The following PDGFD variants were observed in gnomAD, a reference collection of about 807,000 sequenced individuals.
PDGFD encodes the protein platelet-derived growth factor D.
In PDGFD, 30 loss-of-function variants were observed where a neutral mutation model predicts 44.7. That is an observed-to-expected ratio of 0.67 (90% CI 0.50 to 0.91). PDGFD has a LOEUF of 0.91. PDGFD is among the 40% of genes least tolerant of loss of function. The pLI is 0.00. For synonymous variants in PDGFD, 173 were observed against 168.4 expected (o/e 1.03, Z -0.21); for missense variants, 445 against 457.8 (o/e 0.97, Z 0.25).
intron 1 of PDGFD, among the ~76,000 whole-genome samples, chr11:104,147,909 G>A (rs1490997257): frequency 2.6e-5 from 4 of 152,060 alleles, no homozygotes; most frequent in Non-Finnish European, 4.4e-5. Context: ...TTTAAAAAAT[G>A]GTGAAGTGAT....
chr11:103,997,178 C>G (rs962066922), intron 2 of PDGFD, among the ~76,000 whole-genome samples: 1 of 152,126 alleles, frequency 6.6e-6, no homozygotes, highest in South Asian at 2.1e-4. Context: ...ATCAGTATCT[C>G]GCTCCTACAA....
chr11:104,019,168 A>G (rs574158469), intron 1 of PDGFD, among the ~76,000 whole-genome samples: 18 of 152,346 alleles, frequency 1.2e-4, no homozygotes, highest in South Asian at 4.1e-4. Context: ...TGGTTCTTCT[A>G]GCAAACAATG....
intron 1 of PDGFD, among the ~76,000 whole-genome samples, chr11:104,025,242 C>G (rs557152719): frequency 2.0e-5 from 3 of 152,296 alleles, no homozygotes; most frequent in South Asian, 4.1e-4. Flanking sequence ...CAGTTGAGAA[C>G]ACTGTTATAG....
intron 3 of PDGFD, among the ~76,000 whole-genome samples, chr11:103,967,714 A>T (rs1255234937): frequency 6.6e-6 from 1 of 152,196 alleles, no homozygotes; most frequent in Admixed American, 6.5e-5. Flanking sequence ...GGATTTCTGC[A>T]GGAGAAAAAT....
intron 1 of PDGFD, among the ~76,000 whole-genome samples, chr11:104,084,852 TTAAAA>T (rs1861105913): frequency 1.0e-5 from 1 of 96,688 alleles, no homozygotes; most frequent in African/African-American, 4.3e-5. Flanking sequence ...TGTATATATT[TTAAAA>T]TATAATATAT....
At chr11:104,118,927 T>G (rs1358319888) in intron 1 of PDGFD, among the ~76,000 whole-genome samples, 2 of 98,378 alleles carry the variant, frequency 2.0e-5, no homozygotes, top group Non-Finnish European at 3.6e-5. Context: ...CATAATATAT[T>G]ATTATAATAT....
At chr11:103,913,655 G>A (rs1286722165) in intron 6 of PDGFD, among the ~76,000 whole-genome samples, 3 of 152,112 alleles carry the variant, frequency 2.0e-5, no homozygotes, top group Non-Finnish European at 4.4e-5. Context: ...TAAGATCAGA[G>A]CAGAACTGAA....
At chr11:103,947,752 C>T in intron 3 of PDGFD, 28 bp from the exon 4 acceptor site, 2 of 1,564,410 alleles carry the variant, frequency 1.3e-6, no homozygotes, top group Non-Finnish European at 1.8e-6. Flanking sequence ...ATCTGTGAGT[C>T]AGTCAAACCT....
chr11:104,118,753 G>GTATATATTATATATTAATATATAATGTAT (rs1861679047), intron 1 of PDGFD, among the ~76,000 whole-genome samples: 3 of 85,032 alleles, frequency 3.5e-5, no homozygotes, highest in African/African-American at 1.0e-4. Context: ...TTATTATATA[G>GTATATATTATATATTAATATATAATGTAT]TATATATTAT....
intron 6 of PDGFD, among the ~76,000 whole-genome samples, chr11:103,913,223 T>C (rs567216697): frequency 1.1e-4 from 16 of 152,282 alleles, no homozygotes; most frequent in African/African-American, 3.9e-4. Context: ...ACATTACACC[T>C]ATTTTAAAAT....
chr11:103,948,420 AG>A (rs1485113571), intron 3 of PDGFD, among the ~76,000 whole-genome samples: 1 of 152,244 alleles, frequency 6.6e-6, no homozygotes, highest in African/African-American at 2.4e-5. Context: ...TGATAGCAAT[AG>A]ATCACACAGA....
intron 5 of PDGFD, among the ~76,000 whole-genome samples, chr11:103,928,594 T>A (rs192809652): frequency 6.6e-6 from 1 of 152,344 alleles, no homozygotes; most frequent in Non-Finnish European, 1.5e-5. Context: ...CAACTGTGCT[T>A]TGATTCTCAA....
At chr11:104,011,400 A>T (rs922687395) in intron 1 of PDGFD, among the ~76,000 whole-genome samples, 8 of 152,250 alleles carry the variant, frequency 5.3e-5, no homozygotes, top group Middle Eastern at 6.8e-3. Flanking sequence ...TACTTAAAAT[A>T]AATTTTTATT....
At chr11:103,935,932 A>G (rs967062764) in intron 5 of PDGFD, among the ~76,000 whole-genome samples, 1 of 152,210 alleles carries the variant, frequency 6.6e-6, no homozygotes, top group African/African-American at 2.4e-5. Context: ...GAATTTTATT[A>G]CAAGTTAGTT....
intron 1 of PDGFD, among the ~76,000 whole-genome samples, chr11:104,111,602 C>T (rs1379279654): frequency 6.6e-6 from 1 of 152,038 alleles, no homozygotes; most frequent in East Asian, 1.9e-4. Flanking sequence ...CCATTCTATA[C>T]CATTTTAGGT....
At position 104,037,233 on chromosome 11, in the gene PDGFD, G is replaced by T. The variant is rs148711110; in HGVS notation, c.125-36978C>A. The T allele has an allele frequency of 2.7e-5, 43 of 1,613,588 alleles. No individual in the cohort carries two copies. The African/African-American group carries it at 4.8e-4, about 18-fold the overall frequency. ...CGTCAGGAGAGAAGGTGGCCGGCCT[G>T]CAAGGTCTGGGCAGCCCCGCCCTGA... On this transcript the variant is annotated intron_variant, in intron 1 of 6. Transcript: ENST00000393158.
intron 1 of PDGFD, among the ~76,000 whole-genome samples, chr11:104,150,302 C>T (rs896840486): frequency 1.3e-5 from 2 of 152,076 alleles, no homozygotes; most frequent in African/African-American, 2.4e-5. Flanking sequence ...CTCAATCTTT[C>T]GGACACGGAA....
chr11:104,111,442 G>C (rs889099247), intron 1 of PDGFD, among the ~76,000 whole-genome samples: 7 of 151,510 alleles, frequency 4.6e-5, no homozygotes, highest in Non-Finnish European at 8.8e-5. Flanking sequence ...TTTTTCTGTA[G>C]GGACAGGGTC....
At chr11:104,145,277 GTA>G (rs1231992343) in intron 1 of PDGFD, among the ~76,000 whole-genome samples, 1 of 152,014 alleles carries the variant, frequency 6.6e-6, no homozygotes, top group Non-Finnish European at 1.5e-5. Context: ...ACCAGTGTTG[GTA>G]TAAACCGAAT....
Sources: gnomAD v4.1 joint callset for allele counts (sites outside exome capture counted in the v4.1 genomes callset) on GRCh38, gnomAD v4.1.1 for gene constraint, MANE v1.5 for transcripts, NCBI Gene and HGNC (gene_info 2026-07-23, HGNC 2026-07-21) for gene names.